The following ANKFY1 variants were observed in gnomAD, a reference collection of about 807,000 sequenced individuals.
ANKFY1 encodes the protein ankyrin repeat and FYVE domain-containing protein 1.
Under a neutral mutation model 128.3 loss-of-function variants are expected in ANKFY1, and 47 were observed. That is an observed-to-expected ratio of 0.37 (90% confidence interval 0.29 to 0.47). ANKFY1 has a LOEUF of 0.47. ANKFY1 is among the 20% of genes least tolerant of loss of function. The pLI is 1.00. For missense variants in ANKFY1, 1,222 were observed against 1,510.6 expected (o/e 0.81, Z 3.17); for synonymous variants, 553 against 601.6 (o/e 0.92, Z 1.18).
chr17:4,213,065 GCACCCCACCT>G (rs1269780938), intron 4 of ANKFY1, among the ~76,000 whole-genome samples: 1 of 151,888 alleles, frequency 6.6e-6, no homozygotes. Context: ...GTGAGCCACC[GCACCCCACCT>G]CACAACACAC....
At chr17:4,256,376 T>C (rs1598158333) in intron 1 of ANKFY1, among the ~76,000 whole-genome samples, 2 of 152,180 alleles carry the variant, frequency 1.3e-5, no homozygotes, top group East Asian at 1.9e-4. Context: ...TGCAGTGAGC[T>C]GAGATCGCAC....
At chr17:4,174,164 G>C in intron 19 of ANKFY1, 108 bp from the exon 20 acceptor site, 1 of 1,323,636 alleles carries the variant, frequency 7.6e-7, no homozygotes, top group African/African-American at 1.5e-5. Flanking sequence ...CTGATGGCCT[G>C]CCCTGCTGAC....
At position 4,172,547 on chromosome 17, in the gene ANKFY1, G is replaced by A; in HGVS notation, c.3139+9C>T. On this transcript the variant is annotated intron_variant, in intron 22 of 24. Coordinates refer to ENST00000341657, the MANE Select transcript of ANKFY1 (RefSeq NM_001330063.2). ...GTGAGACGGGACATACCCAGCCCTT[G>A]GTACACACCCGTGCTGCCGTCTGCA... 1 of 1,612,298 alleles carries A rather than the reference G, an allele frequency of 6.2e-7. No individual in the cohort carries two copies. The highest frequency in any genetic ancestry group is 8.5e-7 in the Non-Finnish European group (1 of 1,179,218).
At chr17:4,245,959 G>A (rs1027323812) in intron 1 of ANKFY1, among the ~76,000 whole-genome samples, 2 of 151,732 alleles carry the variant, frequency 1.3e-5, no homozygotes, top group African/African-American at 4.8e-5. Context: ...CAGAAGAATC[G>A]CTGGAACCCA....
chr17:4,239,997 C>T (rs540547174), intron 2 of ANKFY1, among the ~76,000 whole-genome samples: 10 of 151,984 alleles, frequency 6.6e-5, no homozygotes, highest in East Asian at 1.9e-4. Context: ...CTGGACTATA[C>T]GCAACATCAC....
rs201790873 is a variant in ANKFY1 at position 4,242,268 on chromosome 17, T to C, written c.191A>G (p.Gln64Arg). Residue 64 changes from glutamine (Q) to arginine (R), a missense_variant, in exon 2 of 25, where the codon CAG (glutamine) becomes CGG (arginine). Transcript: ENST00000341657. ...LLAIVADLYE[Q>R]EQYSDLKIKV... is the part of the protein sequence containing the mutation. ...GGAGCTCTCCCACCTGTACTGCTCC[T>C]GCTCGTAGAGGTCTGCCACGATGGC... 6 of 1,583,114 alleles carry C rather than the reference T, an allele frequency of 3.8e-6. No homozygotes were observed. The highest frequency in any genetic ancestry group is 1.9e-5 in the Admixed American group (1 of 52,730).
chr17:4,256,583 G>A (rs1023403767), intron 1 of ANKFY1, among the ~76,000 whole-genome samples: 13 of 152,096 alleles, frequency 8.5e-5, no homozygotes, highest in African/African-American at 2.7e-4. Flanking sequence ...GGGGGGAGTC[G>A]GAGATAACTT....
intron 1 of ANKFY1, among the ~76,000 whole-genome samples, chr17:4,260,563 A>G (rs1968357933): frequency 7.3e-6 from 1 of 136,330 alleles, no homozygotes; most frequent in Non-Finnish European, 1.5e-5. Context: ...GATTGCAATG[A>G]GCTGTGATCA....
intron 8 of ANKFY1, among the ~76,000 whole-genome samples, chr17:4,196,038 C>A (rs2059815803): frequency 1.3e-5 from 1 of 74,894 alleles, no homozygotes; most frequent in Admixed American, 1.5e-4. Flanking sequence ...CCCCCCCCAC[C>A]ACCCCCCACC....
rs574747975 is a variant in ANKFY1, at chr17:4,254,340, C to T, written c.10+9592G>A. ...AAAAAAAAAAAAAAAAAAAGGAAGG[C>T]ACAGAGGGAGTCTGACCCACTCAGA... On this transcript the variant is annotated intron_variant, in intron 1 of 24. Transcript: ENST00000341657. Among the ~76,000 whole-genome samples, 20 of 146,666 alleles carry T rather than the reference C, an allele frequency of 1.4e-4. No homozygotes were observed. The South Asian group carries it at 4.3e-3, about 31-fold the overall frequency.
In ANKFY1 at chr17:4,182,333, T is replaced by C; in HGVS notation, c.1969A>G (p.Thr657Ala). Residue 657 changes from threonine to alanine, a missense_variant, in exon 15 of 25, where the codon ACA (threonine) becomes GCA (alanine). By Grantham distance (58) the Thr-to-Ala change is moderately conservative. Coordinates refer to ENST00000341657, the MANE Select transcript of ANKFY1 (RefSeq NM_001330063.2). ...DINVRTQDGE[T>A]ALQLAIRNQL... ...TTTCTGATGGCCAGCTGGAGGGCTGTCTCCCCGTCCTGAGTCCTGCTAGGA... is the reference window on the plus strand; with the variant it reads ...TTTCTGATGGCCAGCTGGAGGGCTGCCTCCCCGTCCTGAGTCCTGCTAGGA... 2 of 1,584,994 alleles carry C rather than the reference T, an allele frequency of 1.3e-6. No homozygotes were observed. The highest frequency in any genetic ancestry group is 1.7e-6 in the Non-Finnish European group (2 of 1,163,834).
At chr17:4,198,141 A>G in intron 7 of ANKFY1, among the ~76,000 whole-genome samples, 1 of 151,812 alleles carries the variant, frequency 6.6e-6, no homozygotes, top group Non-Finnish European at 1.5e-5. Context: ...AAAAAAAAAA[A>G]AAGAACACTA....
At position 4,164,729 on chromosome 17, in the gene ANKFY1, G is replaced by A. The variant is rs1567897669; in HGVS notation, c.*3050C>T. 6.6e-6 allele frequency: 1 copy of A among 152,382 alleles called. No homozygotes were observed. The highest frequency in any genetic ancestry group is 1.5e-5 in the Non-Finnish European group (1 of 68,064). The allele number at this position is 152,382 out of a possible 1,614,324, so 9.4% of individuals were successfully genotyped here. ...CGTGCCCGTGGAGAAGATTAGTGCA[G>A]AAACGGTTCAATATGGCAGGTGTGG... On this transcript the variant is annotated 3_prime_UTR_variant, in exon 25 of 25. Coordinates refer to ENST00000341657, the MANE Select transcript of ANKFY1 (RefSeq NM_001330063.2).
intron 2 of ANKFY1, among the ~76,000 whole-genome samples, chr17:4,240,236 T>C (rs776315861): frequency 1.3e-5 from 2 of 151,298 alleles, no homozygotes; most frequent in Admixed American, 6.6e-5. Flanking sequence ...AGCTAATTTT[T>C]TTTATTTTTA....
At chr17:4,243,599 T>G (rs1223316828) in intron 1 of ANKFY1, among the ~76,000 whole-genome samples, 1 of 152,170 alleles carries the variant, frequency 6.6e-6, no homozygotes, top group East Asian at 1.9e-4. Flanking sequence ...AGATTTCCCC[T>G]GAGTTGCAAG....
rs755823192 is a variant in ANKFY1, at chr17:4,184,897, G to A, written c.1620C>T (p.Ser540=). The A allele has an allele frequency of 8.1e-6, 13 of 1,613,894 alleles. No homozygotes were observed. Among genetic ancestry groups the A allele is most frequent in the Admixed American group, 3.3e-5 (2 of 60,000 alleles). The change falls in exon 12 of 25, where the codon AGC becomes AGT. Residue 540 remains serine (S), a synonymous_variant. Coordinates refer to ENST00000341657, the MANE Select transcript of ANKFY1 (RefSeq NM_001330063.2). ...EAASLTSLAD[S]VHLQTPLHMA... ...TGTGCAGTGGCGTCTGCAGATGGAC[G>A]CTGTCCGCCAAGCTGGTCAGGGATG...
intron 12 of ANKFY1, 97 bp from the exon 13 acceptor site, chr17:4,184,007 AT>A: frequency 1.0e-6 from 1 of 985,788 alleles, no homozygotes; most frequent in South Asian, 1.4e-5. Flanking sequence ...CCTGTTGGGT[AT>A]AATATGATCA....
At chr17:4,192,308 C>G (rs959992075) in intron 10 of ANKFY1, among the ~76,000 whole-genome samples, 2 of 146,884 alleles carry the variant, frequency 1.4e-5, no homozygotes, top group African/African-American at 5.1e-5. Context: ...GATGGTTACT[C>G]TAATCTGGAG....
At chr17:4,254,390 A>T (rs1968008833) in intron 1 of ANKFY1, among the ~76,000 whole-genome samples, 5 of 151,514 alleles carry the variant, frequency 3.3e-5, no homozygotes, top group Admixed American at 3.3e-4. Context: ...CACAGAACAG[A>T]GAGAAATTTG....
Sources: gnomAD v4.1 joint callset for allele counts (sites outside exome capture counted in the v4.1 genomes callset) on GRCh38, gnomAD v4.1.1 for gene constraint, MANE v1.5 for transcripts, NCBI Gene and HGNC (gene_info 2026-07-23, HGNC 2026-07-21) for gene names.